The following CRYBG1 variants were observed in gnomAD, a reference collection of about 807,000 sequenced individuals.
The protein encoded by CRYBG1 is crystallin beta-gamma domain containing 1.
CRYBG1 carries 139 observed loss-of-function variants against 189.2 expected under a neutral mutation model. The ratio of observed to expected loss-of-function variants is 0.73; its 90% CI spans 0.64 to 0.85. The LOEUF (loss-of-function observed/expected upper bound fraction) is 0.85, where lower values mean the gene tolerates loss of function less well. Ranked by LOEUF, CRYBG1 falls within the 40% of genes least tolerant of loss-of-function variation. The pLI is 0.00. For synonymous variants in CRYBG1, 1,023 were observed against 1,017.1 expected (o/e 1.01, Z -0.11); for missense variants, 2,611 against 2,675.8 (o/e 0.98, Z 0.53).
At chr6:106,467,147 A>G (rs1460341445) in intron 2 of CRYBG1, among the ~76,000 whole-genome samples, 2 of 152,190 alleles carry the variant, frequency 1.3e-5, no homozygotes, top group African/African-American at 4.8e-5. Context: ...AGGAAGCTAG[A>G]AAAATGGTGT....
intron 1 of CRYBG1, among the ~76,000 whole-genome samples, chr6:106,387,149 C>T (rs1770407548): frequency 6.6e-6 from 1 of 151,966 alleles, no homozygotes. Context: ...TAAGGCTAAG[C>T]CAATTGGTCA....
At chr6:106,518,294 G>A (rs1399579136) in intron 3 of CRYBG1, among the ~76,000 whole-genome samples, 1 of 152,154 alleles carries the variant, frequency 6.6e-6, no homozygotes, top group African/African-American at 2.4e-5. Flanking sequence ...CTTATAATCA[G>A]AGAAAATCTT....
At chr6:106,562,251 A>G (rs1774741361) in intron 20 of CRYBG1, among the ~76,000 whole-genome samples, 1 of 152,230 alleles carries the variant, frequency 6.6e-6, no homozygotes, top group South Asian at 2.1e-4. Flanking sequence ...TTCAGTAAAC[A>G]GAAGTACTGT....
chr6:106,562,323 A>G (rs550096357), intron 20 of CRYBG1, among the ~76,000 whole-genome samples: 3 of 152,316 alleles, frequency 2.0e-5, no homozygotes, highest in East Asian at 3.9e-4. Flanking sequence ...GAATCATGAA[A>G]AGAAGCTTTC....
intron 1 of CRYBG1, among the ~76,000 whole-genome samples, chr6:106,443,416 T>G (rs932282277): frequency 6.6e-6 from 1 of 152,200 alleles, no homozygotes; most frequent in East Asian, 1.9e-4. Flanking sequence ...GAAAAGCTTT[T>G]CTTGGCATTT....
intron 13 of CRYBG1, among the ~76,000 whole-genome samples, chr6:106,549,588 A>T (rs572154995): frequency 2.0e-5 from 3 of 152,228 alleles, no homozygotes; most frequent in East Asian, 1.9e-4. Context: ...AAAAAAATAA[A>T]AAATAAATAA....
intron 18 of CRYBG1, among the ~76,000 whole-genome samples, chr6:106,559,877 T>C (rs977675559): frequency 3.9e-5 from 6 of 152,116 alleles, no homozygotes; most frequent in African/African-American, 1.4e-4. Flanking sequence ...GGCAGATCAC[T>C]GGAACCCAGC....
chr6:106,479,911 A>G (rs1260185159), intron 2 of CRYBG1, among the ~76,000 whole-genome samples: 1 of 152,128 alleles, frequency 6.6e-6, no homozygotes, highest in Non-Finnish European at 1.5e-5. Flanking sequence ...AAAGTTTTTA[A>G]TTTAGATGAA....
intron 3 of CRYBG1, among the ~76,000 whole-genome samples, chr6:106,517,439 CATATATATACACACAT>C (rs1562099235): frequency 1.5e-5 from 2 of 136,932 alleles, no homozygotes; most frequent in Admixed American, 7.1e-5. Flanking sequence ...TACACACACA[CATATATATACACACAT>C]ATATATATAC....
chr6:106,394,318 C>T (rs1029737249), intron 1 of CRYBG1, among the ~76,000 whole-genome samples: 13 of 152,214 alleles, frequency 8.5e-5, no homozygotes, highest in African/African-American at 3.1e-4. Flanking sequence ...ACATATACAA[C>T]AGTGTCTTAC....
chr6:106,422,340 A>ATTTTTTTTTTTTTTTT (rs747540246), intron 1 of CRYBG1, among the ~76,000 whole-genome samples: 2 of 68,336 alleles, frequency 2.9e-5, no homozygotes, highest in South Asian at 1.9e-3. Context: ...TTATTTATTT[A>ATTTTTTTTTTTTTTTT]TTTATTTTTG....
intron 13 of CRYBG1, among the ~76,000 whole-genome samples, chr6:106,548,317 T>A (rs758782118): frequency 2.0e-5 from 3 of 152,334 alleles, no homozygotes; most frequent in South Asian, 4.1e-4. Context: ...CATGGGTGAT[T>A]CATCAGGTAT....
chr6:106,462,518 A>T (rs1164016521), intron 2 of CRYBG1, among the ~76,000 whole-genome samples: 1 of 152,210 alleles, frequency 6.6e-6, no homozygotes, highest in Non-Finnish European at 1.5e-5. Flanking sequence ...CAAAGTAAGT[A>T]AAAGTAGTTC....
intron 2 of CRYBG1, among the ~76,000 whole-genome samples, chr6:106,506,948 C>T (rs1467493517): frequency 1.3e-5 from 2 of 152,210 alleles, no homozygotes; most frequent in Non-Finnish European, 2.9e-5. Flanking sequence ...GCTTCAGAAC[C>T]AGAACAGTTT....
At chr6:106,550,996 C>A (rs1774390597) in intron 13 of CRYBG1, among the ~76,000 whole-genome samples, 2 of 151,866 alleles carry the variant, frequency 1.3e-5, no homozygotes, top group Non-Finnish European at 2.9e-5. Context: ...TTTTTTTCAA[C>A]TCTTATTTTA....
rs113481319 is a variant in CRYBG1 at position 106,568,963 on chromosome 6, C to CTT, written c.*399_*400dup. 0.14 allele frequency: 23,336 copies of CTT among 170,460 alleles called. 1,884 individuals are homozygous for CTT. The highest frequency in any genetic ancestry group is 0.21 in the African/African-American group (8,924 of 41,928). The allele number at this position is 170,460 out of a possible 1,614,324, so 10.6% of individuals were successfully genotyped here. A position where few individuals can be genotyped will look rare whatever the true frequency, so the allele number is the denominator to read the frequency against. ...TTTGTGGACCTACAAAGCCCTTACA[C>CTT]TTTAAAGGGTAAGACAAAGGCTTAA... On this transcript the variant is annotated 3_prime_UTR_variant, in exon 22 of 22. Coordinates refer to ENST00000633556, the MANE Select transcript of CRYBG1 (RefSeq NM_001371242.2).
At chr6:106,506,672 C>T (rs960490032) in intron 2 of CRYBG1, among the ~76,000 whole-genome samples, 26 of 151,888 alleles carry the variant, frequency 1.7e-4, no homozygotes, top group African/African-American at 5.8e-4. Flanking sequence ...AGGCTGGTCT[C>T]GAACTCCTGA....
intron 15 of CRYBG1, 63 bp downstream of exon 15, chr6:106,552,279 T>TA: frequency 1.7e-6 from 2 of 1,210,388 alleles, no homozygotes; most frequent in Non-Finnish European, 2.3e-6. Context: ...AAGCTGAACT[T>TA]ATGTTTCAAA....
At chr6:106,561,585 A>G (rs1048091001) in intron 20 of CRYBG1, 85 bp downstream of exon 20, 1 of 1,457,912 alleles carries the variant, frequency 6.9e-7, no homozygotes, top group Non-Finnish European at 9.3e-7. Flanking sequence ...CTTTTCTTCA[A>G]GTAGATGCAA....
Sources: allele counts gnomAD v4.1 joint callset (sites outside exome capture counted in the v4.1 genomes callset), GRCh38; gene constraint gnomAD v4.1.1; transcripts MANE v1.5; gene names NCBI Gene and HGNC (gene_info 2026-07-23, HGNC 2026-07-21).